Variants in PATJ observed in about 807,000 individuals in gnomAD.
The protein encoded by PATJ is PATJ crumbs cell polarity complex component.
Under a neutral mutation model 224.9 loss-of-function variants are expected in PATJ, and 190 were observed. That is an observed-to-expected ratio of 0.84 (90% confidence interval 0.75 to 0.95). PATJ has a LOEUF of 0.95. Ranked by LOEUF, PATJ falls within the 40% of genes least tolerant of loss-of-function variation. The pLI, the probability that PATJ is intolerant of heterozygous loss-of-function variation, is 0.00. For missense variants in PATJ, 2,121 were observed against 2,270.3 expected (o/e 0.93, Z 1.34); for synonymous variants, 769 against 820.3 (o/e 0.94, Z 1.07).
intron 24 of PATJ, among the ~76,000 whole-genome samples, chr1:61,907,866 GT>G (rs1439682359): frequency 6.6e-6 from 1 of 152,172 alleles, no homozygotes; most frequent in African/African-American, 2.4e-5. Context: ...CACATAAATA[GT>G]TTTAGTAAAA....
intron 20 of PATJ, among the ~76,000 whole-genome samples, chr1:61,866,275 A>G (rs1392182841): frequency 2.0e-5 from 3 of 152,208 alleles, no homozygotes; most frequent in Non-Finnish European, 1.5e-5. Flanking sequence ...ATAAAAGGCA[A>G]CCTGAAATAC....
chr1:62,033,240 G>A (rs1390821140), intron 29 of PATJ, among the ~76,000 whole-genome samples: 4 of 152,146 alleles, frequency 2.6e-5, no homozygotes, highest in Non-Finnish European at 5.9e-5. Flanking sequence ...GTTAAATAAA[G>A]AAATGTATAT....
At chr1:62,067,735 T>A (rs954925878) in intron 31 of PATJ, among the ~76,000 whole-genome samples, 1 of 152,188 alleles carries the variant, frequency 6.6e-6, no homozygotes, top group Non-Finnish European at 1.5e-5. Flanking sequence ...AGTGTTTGTT[T>A]GTTGTTTGTC....
intron 1 of PATJ, among the ~76,000 whole-genome samples, chr1:61,746,035 TTCAAGCGATTGTCCTGGC>T (rs1420509345): frequency 5.9e-5 from 9 of 151,948 alleles, no homozygotes; most frequent in African/African-American, 1.9e-4. Flanking sequence ...CCTCCCTGGG[TTCAAGCGATTGTCCTGGC>T]TCAGCGTCAC....
At chr1:61,940,530 C>T (rs142912926) in intron 27 of PATJ, among the ~76,000 whole-genome samples, 1,866 of 152,088 alleles carry the variant, frequency 0.012, 40 homozygotes, top group African/African-American at 0.042. Flanking sequence ...TCCTGGTCAA[C>T]GTGGTGAAAC....
chr1:61,825,835 G>A (rs1364327506), intron 15 of PATJ, among the ~76,000 whole-genome samples: 1 of 152,226 alleles, frequency 6.6e-6, no homozygotes, highest in Admixed American at 6.5e-5. Context: ...TCATACTCAT[G>A]TATGGGAAGA....
At chr1:62,058,829 A>G (rs1352944787) in intron 31 of PATJ, among the ~76,000 whole-genome samples, 2 of 152,300 alleles carry the variant, frequency 1.3e-5, no homozygotes, top group African/African-American at 4.8e-5. Context: ...GGAGTGTGCC[A>G]CACTTGGTCT....
At chr1:61,748,353 C>T (rs1037025231) in intron 1 of PATJ, among the ~76,000 whole-genome samples, 1 of 133,044 alleles carries the variant, frequency 7.5e-6, no homozygotes, top group African/African-American at 2.8e-5. Context: ...CTCCCAGGTT[C>T]AAGCCATTCT....
chr1:61,783,647 A>C (rs1647847977), intron 7 of PATJ, among the ~76,000 whole-genome samples: 1 of 150,444 alleles, frequency 6.6e-6, no homozygotes, highest in Non-Finnish European at 1.5e-5. Flanking sequence ...GAATTCCTAT[A>C]GGTTTAAAAT....
At position 62,073,215 on chromosome 1, in the gene PATJ, G is replaced by A. The variant is rs1004075454; in HGVS notation, c.4126-6235G>A. ...ATCTTTTATTACTTGACAGGAGGTT[G>A]TGGAGTGTCATGCAACCTGAAATCA... On this transcript the variant is annotated intron_variant, in intron 31 of 43. Transcript: ENST00000642238. 1.3e-5 allele frequency: 13 copies of A among 985,326 alleles called. No individual in the cohort carries two copies. In the East Asian group the frequency reaches 1.5e-3, roughly 112 times the overall value. 61.0% of individuals were successfully genotyped at this position (985,326 alleles called of 1,614,324 possible). A position where few individuals can be genotyped will look rare whatever the true frequency, so the allele number is the denominator to read the frequency against.
At chr1:61,960,663 C>CAAAA (rs1163415331) in intron 27 of PATJ, among the ~76,000 whole-genome samples, 1 of 98,498 alleles carries the variant, frequency 1.0e-5, no homozygotes, top group Non-Finnish European at 2.2e-5. Flanking sequence ...AACTCCATCT[C>CAAAA]AAAAAAAAAA....
intron 34 of PATJ, among the ~76,000 whole-genome samples, chr1:62,110,007 G>A (rs1043980174): frequency 6.6e-6 from 1 of 152,092 alleles, no homozygotes; most frequent in African/African-American, 2.4e-5. Context: ...CCCAGTAAAG[G>A]TTAACCTGAA....
chr1:62,005,544 G>T (rs1180947506), intron 28 of PATJ, among the ~76,000 whole-genome samples: 1 of 151,210 alleles, frequency 6.6e-6, no homozygotes, highest in Non-Finnish European at 1.5e-5. Flanking sequence ...TTAGAGGATT[G>T]CCTGATCCCA....
At chr1:61,893,790 A>G (rs1230947807) in intron 22 of PATJ, among the ~76,000 whole-genome samples, 2 of 145,482 alleles carry the variant, frequency 1.4e-5, no homozygotes. Context: ...AAACAAGAGA[A>G]AAAAAAAAAG....
At chr1:61,947,759 C>G (rs1461816995) in intron 27 of PATJ, among the ~76,000 whole-genome samples, 1 of 152,144 alleles carries the variant, frequency 6.6e-6, no homozygotes, top group Non-Finnish European at 1.5e-5. Flanking sequence ...ATTGCCAAAA[C>G]AATCCTAAGC....
chr1:62,036,102 C>T (rs563252024), intron 29 of PATJ, among the ~76,000 whole-genome samples: 3 of 152,162 alleles, frequency 2.0e-5, no homozygotes, highest in African/African-American at 4.8e-5. Context: ...GCTTCCTTAT[C>T]GACTTTGCTC....
At chr1:62,029,802 A>G (rs1648851280) in intron 29 of PATJ, among the ~76,000 whole-genome samples, 1 of 152,206 alleles carries the variant, frequency 6.6e-6, no homozygotes, top group Admixed American at 6.5e-5. Flanking sequence ...GCATCAGCAA[A>G]TTCATGATTT....
At chr1:62,003,071 A>G (rs1363827038) in intron 28 of PATJ, among the ~76,000 whole-genome samples, 1 of 152,190 alleles carries the variant, frequency 6.6e-6, no homozygotes, top group Non-Finnish European at 1.5e-5. Flanking sequence ...AGGCTGTAAT[A>G]TCTCAATGTC....
intron 33 of PATJ, among the ~76,000 whole-genome samples, chr1:62,094,351 G>T (rs61777687): frequency 1.2e-4 from 18 of 152,000 alleles, no homozygotes; most frequent in Non-Finnish European, 2.2e-4. Context: ...CTGTGGTGCC[G>T]CCACTGCACT....
Sources: allele counts gnomAD v4.1 joint callset (sites outside exome capture counted in the v4.1 genomes callset), GRCh38; gene constraint gnomAD v4.1.1; transcripts MANE v1.5; gene names NCBI Gene and HGNC (gene_info 2026-07-23, HGNC 2026-07-21).